Variants in ZNF497 observed in about 807,000 individuals in gnomAD.
ZNF497 encodes zinc finger-like protein.
For synonymous variants in ZNF497, 422 were observed against 313.7 expected (o/e 1.35, Z -3.65); for missense variants, 930 against 714.0 (o/e 1.30, Z -3.45).
rs778618219 is a variant in ZNF497 at position 58,356,739 on chromosome 19, C to T, written c.897G>A (p.Glu299=). 3 of 1,570,130 alleles carry T rather than the reference C, an allele frequency of 1.9e-6. No homozygotes were observed. Among genetic ancestry groups the T allele is most frequent in the African/African-American group, 2.7e-5 (2 of 74,048 alleles). The change falls in exon 3 of 3, where the codon GAG becomes GAA. Residue 299 remains glutamate, a synonymous_variant. Transcript: ENST00000311044. Reference sequence around the variant, plus strand: ...CGCACTCGGCGCAGGGGAAGGGCTTCTCGCTGCTGTGCGTGCGCCGGTGCT... The same window carrying T: ...CGCACTCGGCGCAGGGGAAGGGCTTTTCGCTGCTGTGCGTGCGCCGGTGCT... ...LRQHRRTHSS[E]KPFPCAECGK...
intron 2 of ZNF497, 68 bp downstream of exon 2, chr19:58,358,418 TATC>T (rs2052053198): frequency 8.6e-7 from 1 of 1,156,980 alleles, no homozygotes; most frequent in Non-Finnish European, 1.1e-6. Flanking sequence ...CTGAGCACCT[TATC>T]ATCCTTGTGT....
intron 1 of ZNF497, among the ~76,000 whole-genome samples, chr19:58,360,643 C>G (rs1417395237): frequency 6.6e-6 from 1 of 152,132 alleles, no homozygotes; most frequent in African/African-American, 2.4e-5. Flanking sequence ...ATTCTCCTGC[C>G]TCAGCCTCCC....
chr19:58,358,762 C>T (rs994402119), intron 1 of ZNF497, 177 bp from the exon 2 acceptor site: 2 of 459,906 alleles, frequency 4.3e-6, no homozygotes, highest in South Asian at 1.5e-5. Context: ...GCCAAGACCA[C>T]CAAACTCCCA....
rs868136130 is a variant in ZNF497 at position 58,358,707 on chromosome 19, G to A, written c.-111-122C>T. ...ACCTTCAGTTCTCAGGACACAATGC[G>A]GAGCACACAGGTGTGGACTGGAGAT... On this transcript the variant is annotated intron_variant, in intron 1 of 2. Transcript: ENST00000311044. 5.0e-5 allele frequency: 23 copies of A among 456,916 alleles called. No homozygotes were observed. In the Middle Eastern group the frequency reaches 2.6e-3, roughly 51 times the overall value. The allele number at this position is 456,916 out of a possible 1,614,324, so 28.3% of individuals were successfully genotyped here. A position where few individuals can be genotyped will look rare whatever the true frequency, so the allele number is the denominator to read the frequency against.
At chr19:58,358,745 C>G (rs535956117) in intron 1 of ZNF497, 160 bp from the exon 2 acceptor site, 1 of 465,008 alleles carries the variant, frequency 2.2e-6, no homozygotes, top group South Asian at 1.6e-5. Context: ...CTGACTCTGC[C>G]GTCCAAGCCA....
rs537276927 is a variant in ZNF497 at position 58,358,545 on chromosome 19, G to A, written c.-71C>T. The A allele has an allele frequency of 1.7e-5, 20 of 1,188,678 alleles. No homozygotes were observed. In the East Asian group the frequency reaches 9.4e-4, roughly 56 times the overall value. 73.6% of individuals were successfully genotyped at this position (1,188,678 alleles called of 1,614,324 possible). On this transcript the variant is annotated 5_prime_UTR_variant, in exon 2 of 3. Transcript: ENST00000311044. Reference sequence around the variant, plus strand: ...AGCCTCTTGCTCCTCTCCCTCCTCTGTCCTGGGGACCAGCTCCTCTTGGGG... The same window carrying A: ...AGCCTCTTGCTCCTCTCCCTCCTCTATCCTGGGGACCAGCTCCTCTTGGGG...
rs141164315 is a variant in ZNF497, at chr19:58,359,525, C to T, written c.-111-940G>A. On this transcript the variant is annotated intron_variant, in intron 1 of 2. Transcript: ENST00000311044. ...GGCTGCTTGTACCATCCCTTCCCCCCGCCTCCCCGCTTTTCTTGAGGGTCC... is the reference window on the plus strand; with the variant it reads ...GGCTGCTTGTACCATCCCTTCCCCCTGCCTCCCCGCTTTTCTTGAGGGTCC... The T allele has an allele frequency of 1.5e-5, 7 of 453,110 alleles. No individual in the cohort carries two copies. In the East Asian group the frequency reaches 2.1e-4, roughly 14 times the overall value. The allele number at this position is 453,110 out of a possible 1,614,324, so 28.1% of individuals were successfully genotyped here.
Position 58,356,813 on chromosome 19 carries a change from C to G in ZNF497, c.823G>C (p.Ala275Pro), listed in dbSNP as rs767544827. Residue 275 changes from alanine to proline, a missense_variant, in exon 3 of 3, where the codon GCC becomes CCC. Transcript: ENST00000311044. ...LKIHAGARPH[A>P]CPDCGKAFVR... is the part of the protein sequence containing the mutation. Reference sequence around the variant, plus strand: ...AAGGCCTTGCCGCAGTCGGGACAGGCGTGTGGCCGTGCGCCCGCGTGGATC... The same window carrying G: ...AAGGCCTTGCCGCAGTCGGGACAGGGGTGTGGCCGTGCGCCCGCGTGGATC... 2 of 1,567,254 alleles carry G rather than the reference C, an allele frequency of 1.3e-6. No homozygotes were observed. The highest frequency in any genetic ancestry group is 2.7e-5 in the African/African-American group (2 of 72,740).
At position 58,357,036 on chromosome 19, in the gene ZNF497, GC is replaced by G. The variant is rs1287282093; in HGVS notation, c.599del (p.Gly200AlafsTer66). The G allele has an allele frequency of 2.5e-6, 4 of 1,610,534 alleles. No homozygotes were observed. The East Asian group carries it at 8.9e-5, about 36-fold the overall frequency. On this transcript the variant is annotated frameshift_variant, in exon 3 of 3. Transcript: ENST00000311044. ...GGTGCTGCACCAGCGTGGTGCTTCGGCCGAAGGACTTGCCGCAGTCCGGGCA... is the reference window on the plus strand; with the variant it reads ...GGTGCTGCACCAGCGTGGTGCTTCGGCGAAGGACTTGCCGCAGTCCGGGCA... ...FRCPDCGKSF[G>X]RSTTLVQHRR...
intron 2 of ZNF497, chr19:58,357,861 A>G: frequency 7.6e-7 from 1 of 1,315,016 alleles, no homozygotes; most frequent in Non-Finnish European, 9.9e-7. Context: ...CCTGCCTGAC[A>G]GGGCCACGTG....
chr19:58,358,995 C>A (rs916615119), intron 1 of ZNF497: 1 of 480,100 alleles, frequency 2.1e-6, no homozygotes. Context: ...TGCGTGTAGG[C>A]CTGGATCTCT....
chr19:58,362,427 A>G (rs1370664564), intron 1 of ZNF497, among the ~76,000 whole-genome samples: 5 of 152,222 alleles, frequency 3.3e-5, no homozygotes, highest in Non-Finnish European at 7.3e-5. Context: ...GATGCCACAG[A>G]ACTGATCGCC....
At position 58,357,525 on chromosome 19, in the gene ZNF497, G is replaced by T. The variant is rs751535949; in HGVS notation, c.111C>A (p.Gly37=). 6.2e-7 allele frequency: 1 copy of T among 1,605,576 alleles called. No homozygotes were observed. Among genetic ancestry groups the T allele is most frequent in the African/African-American group, 1.3e-5 (1 of 74,820 alleles). Residue 37 remains glycine, a synonymous_variant, in exon 3 of 3, where the codon GGC becomes GGA. Transcript: ENST00000311044. ...CCGTGGAGTTTTCCCAGGCCCCCCA[G>T]CCTCCAGACACAGCCCCCTCAGAGA... ...RGLSEGAVSG[G]WGAWENSTEV...
At chr19:58,359,328 A>G in intron 1 of ZNF497, 1 of 1,205,030 alleles carries the variant, frequency 8.3e-7, no homozygotes, top group East Asian at 5.7e-5. Context: ...CTGCAGCTGG[A>G]AACACAAAGG....
At position 58,357,521 on chromosome 19, in the gene ZNF497, C is replaced by G; in HGVS notation, c.115G>C (p.Gly39Arg). ...ACCTCCGTGGAGTTTTCCCAGGCCC[C>G]CCAGCCTCCAGACACAGCCCCCTCA... The part of the protein sequence containing the change: ...LSEGAVSGGW[G>R]AWENSTEVPR... The change falls in exon 3 of 3, where the codon GGG (glycine) becomes CGG (arginine). Residue 39 changes from glycine to arginine, a missense_variant. Physicochemically the swap from Gly to Arg is moderately radical, Grantham distance 125. Transcript: ENST00000311044. 1 of 1,604,898 alleles carries G rather than the reference C, an allele frequency of 6.2e-7. No homozygotes were observed. Among genetic ancestry groups the G allele is most frequent in the Non-Finnish European group, 8.5e-7 (1 of 1,176,036 alleles).
rs145735339 is a variant in ZNF497, at chr19:58,357,255, C to T, written c.381G>A (p.Val127=). 107 of 1,612,816 alleles carry T rather than the reference C, an allele frequency of 6.6e-5. 1 individual carries two copies. In the African/African-American group the frequency reaches 1.3e-3, roughly 19 times the overall value. ...QGSYLLQHRR[V]HTGEKPYTCP... is the part of the protein sequence containing the mutation. ...ACGTGTACGGCTTCTCGCCTGTGTGCACGCGCCGATGCTGCAGCAAGTAAG... is the reference window on the plus strand; with the variant it reads ...ACGTGTACGGCTTCTCGCCTGTGTGTACGCGCCGATGCTGCAGCAAGTAAG... The change falls in exon 3 of 3, where the codon GTG becomes GTA. Residue 127 remains valine, a synonymous_variant. Transcript: ENST00000311044.
rs2052039537 is a variant in ZNF497 at position 58,357,376 on chromosome 19, C to T, written c.260G>A (p.Arg87Lys). The T allele has an allele frequency of 6.3e-7, 1 of 1,593,938 alleles. No homozygotes were observed. The highest frequency in any genetic ancestry group is 1.3e-5 in the African/African-American group (1 of 74,458). The change falls in exon 3 of 3, where the codon AGG becomes AAG. Residue 87 changes from arginine (R) to lysine (K), a missense_variant. Transcript: ENST00000311044. ...CAACGCCCGGTCTGCAGGCTCGCTC[C>T]TGGGCCCAGCCCCGTCCCGCCCACC... ...ADGGRDGAGP[R>K]SEPADRALRP...
In ZNF497 at chr19:58,357,524, A is replaced by G; in HGVS notation, c.112T>C (p.Trp38Arg). The change falls in exon 3 of 3, where the codon TGG becomes CGG. Residue 38 changes from tryptophan (W) to arginine (R), a missense_variant. Coordinates refer to ENST00000311044, the MANE Select transcript of ZNF497 (RefSeq NM_198458.3). ...TCCGTGGAGTTTTCCCAGGCCCCCCAGCCTCCAGACACAGCCCCCTCAGAG... is the reference window on the plus strand; with the variant it reads ...TCCGTGGAGTTTTCCCAGGCCCCCCGGCCTCCAGACACAGCCCCCTCAGAG... ...GLSEGAVSGGWGAWENSTEVP... is the reference protein window; with the variant it reads ...GLSEGAVSGGRGAWENSTEVP... 1 of 1,605,250 alleles carries G rather than the reference A, an allele frequency of 6.2e-7. No individual in the cohort carries two copies. The highest frequency in any genetic ancestry group is 8.5e-7 in the Non-Finnish European group (1 of 1,176,244).
intron 2 of ZNF497, 110 bp from the exon 3 acceptor site, chr19:58,357,759 C>T (rs915625195): frequency 1.9e-4 from 237 of 1,262,044 alleles, no homozygotes; most frequent in Middle Eastern, 3.9e-4. Flanking sequence ...CTCTTCTCCT[C>T]CAGGTCCCTG....
Sources: allele counts gnomAD v4.1 joint callset (sites outside exome capture counted in the v4.1 genomes callset), GRCh38; gene constraint gnomAD v4.1.1; transcripts MANE v1.5; gene names NCBI Gene and HGNC (gene_info 2026-07-23, HGNC 2026-07-21).